Variants in NUP210L observed in about 807,000 individuals in gnomAD.
The protein encoded by NUP210L is nucleoporin 210 like, also known as nuclear pore membrane glycoprotein 210-like.
A neutral mutation model predicts 208.5 loss-of-function variants in NUP210L; 74 were observed. The ratio of observed to expected loss-of-function variants is 0.35; its 90% confidence interval spans 0.29 to 0.43. The LOEUF (loss-of-function observed/expected upper bound fraction) is 0.43. Ranked by LOEUF, NUP210L falls within the 20% of genes least tolerant of loss-of-function variation. The pLI is 1.00. For synonymous variants in NUP210L, 780 were observed against 816.9 expected, an observed-to-expected ratio of 0.95 and a Z score of 0.77; for missense variants, 1,843 against 2,289.4, an observed-to-expected ratio of 0.81 and a Z score of 3.98.
chr1:154,004,659 T>G (rs1207470301), intron 35 of NUP210L, among the ~76,000 whole-genome samples: 1 of 151,664 alleles, frequency 6.6e-6, no homozygotes, highest in Non-Finnish European at 1.5e-5. Context: ...CCTCTTTTCT[T>G]TCTTTGAGAC....
chr1:154,125,893 A>G lies in NUP210L; in HGVS notation c.1326+430T>C, dbSNP rs865969156. Among the ~76,000 whole-genome samples, 215 of 145,044 alleles carry G rather than the reference A, an allele frequency of 1.5e-3. 1 individual carries two copies. Among genetic ancestry groups the G allele is most frequent in the Middle Eastern group, 0.012 (3 of 242 alleles). On this transcript the variant is annotated intron_variant, in intron 10 of 39. Coordinates refer to ENST00000368559, the Ensembl canonical transcript of NUP210L. Reference sequence around the variant, plus strand: ...CGCCATTCTCCTGCCTCAGCCTCCCAAGTAGCTGGAACTACAGGCGCCCGC... The same window carrying G: ...CGCCATTCTCCTGCCTCAGCCTCCCGAGTAGCTGGAACTACAGGCGCCCGC...
At chr1:154,036,798 C>G (rs1394970805) in intron 27 of NUP210L, among the ~76,000 whole-genome samples, 3 of 151,552 alleles carry the variant, frequency 2.0e-5, no homozygotes, top group African/African-American at 2.4e-5. Context: ...CTCACTCTGT[C>G]ACCTACGCTA....
chr1:154,077,012 T>A (rs1655070852), intron 16 of NUP210L, among the ~76,000 whole-genome samples: 1 of 152,132 alleles, frequency 6.6e-6, no homozygotes, highest in African/African-American at 2.4e-5. Flanking sequence ...GGATCTTCCA[T>A]GGGATTAATA....
At chr1:154,027,080 C>CAAAAAAA (rs59626984) in intron 29 of NUP210L, among the ~76,000 whole-genome samples, 517 of 101,716 alleles carry the variant, frequency 5.1e-3, no homozygotes, top group East Asian at 0.01. Context: ...GAGACTGTCT[C>CAAAAAAA]AAAAAAAAAA....
At chr1:154,151,045 AAGTCAGACGAAGTTAAGCTGAG>A (rs1659355981) in intron 2 of NUP210L, among the ~76,000 whole-genome samples, 1 of 152,174 alleles carries the variant, frequency 6.6e-6, no homozygotes, top group South Asian at 2.1e-4. Flanking sequence ...AATTGGTCCC[AAGTCAGACGAAGTTAAGCTGAG>A]AGCAAGATTT....
intron 7 of NUP210L, 27 bp downstream of exon 7, chr1:154,135,787 G>T: frequency 6.3e-7 from 1 of 1,595,918 alleles, no homozygotes; most frequent in Non-Finnish European, 8.6e-7. Flanking sequence ...GTGTAGACTG[G>T]CAGCTAAAAC....
chr1:154,054,529 C>T, intron 24 of NUP210L, 122 bp from the exon 25 acceptor site: 1 of 907,784 alleles, frequency 1.1e-6, no homozygotes, highest in Non-Finnish European at 1.7e-6. Flanking sequence ...ACAACATATC[C>T]CATATCAACT....
intron 33 of NUP210L, among the ~76,000 whole-genome samples, chr1:154,015,993 G>C (rs1252328743): frequency 6.6e-6 from 1 of 151,772 alleles, no homozygotes; most frequent in African/African-American, 2.4e-5. Context: ...AGTGGCTCAT[G>C]CCTATAATCC....
intron 10 of NUP210L, among the ~76,000 whole-genome samples, 161 bp from the exon 11 acceptor site, chr1:154,118,969 G>C (rs1266093209): frequency 6.6e-6 from 1 of 151,958 alleles, no homozygotes; most frequent in Non-Finnish European, 1.5e-5. Flanking sequence ...CATTAAATAA[G>C]CATAGTTGCT....
intron 35 of NUP210L, among the ~76,000 whole-genome samples, chr1:154,003,628 G>C (rs529787029): frequency 2.0e-5 from 3 of 152,178 alleles, no homozygotes; most frequent in South Asian, 2.1e-4. Context: ...TCAGAGCTAG[G>C]GCTACAGGTG....
At chr1:154,139,383 GT>G (rs1289913653) in intron 5 of NUP210L, among the ~76,000 whole-genome samples, 1 of 152,146 alleles carries the variant, frequency 6.6e-6, no homozygotes, top group Non-Finnish European at 1.5e-5. Flanking sequence ...GCAATAAAAT[GT>G]TTAAGATAAT....
At chr1:154,031,662 C>A (rs943614429) in intron 27 of NUP210L, among the ~76,000 whole-genome samples, 10 of 151,620 alleles carry the variant, frequency 6.6e-5, no homozygotes, top group African/African-American at 2.4e-4. Context: ...GCTTATTTCA[C>A]TTAACATAGT....
At chr1:153,997,333 G>GTC (rs1247337801) in intron 37 of NUP210L, among the ~76,000 whole-genome samples, 1 of 151,168 alleles carries the variant, frequency 6.6e-6, no homozygotes. Flanking sequence ...TAGAGATGAG[G>GTC]TCTCTCTATG....
chr1:154,048,315 A>G (rs2147975084), intron 25 of NUP210L, among the ~76,000 whole-genome samples: 1 of 152,310 alleles, frequency 6.6e-6, no homozygotes, highest in South Asian at 2.1e-4. Context: ...GCAGGAATCC[A>G]GCAAGCTAGA....
chr1:154,017,960 G>A (rs1651352415), intron 33 of NUP210L, among the ~76,000 whole-genome samples: 1 of 151,200 alleles, frequency 6.6e-6, no homozygotes, highest in Non-Finnish European at 1.5e-5. Context: ...TAGTACTTAG[G>A]TCTTTTTTCT....
chr1:154,100,730 C>T (rs918524622), intron 13 of NUP210L, among the ~76,000 whole-genome samples: 10 of 150,960 alleles, frequency 6.6e-5, no homozygotes, highest in African/African-American at 1.2e-4. Context: ...GTATTGGCCA[C>T]GCTGGTCTCG....
chr1:154,049,403 G>A (rs1401007307), intron 25 of NUP210L, among the ~76,000 whole-genome samples: 2 of 152,114 alleles, frequency 1.3e-5, no homozygotes, highest in Non-Finnish European at 2.9e-5. Context: ...AATACTTGCA[G>A]GGTTTGAAGG....
intron 35 of NUP210L, among the ~76,000 whole-genome samples, chr1:154,004,563 CCAGG>C (rs1650401539): frequency 6.6e-6 from 1 of 151,968 alleles, no homozygotes; most frequent in Non-Finnish European, 1.5e-5. Context: ...ACCATGTTGG[CCAGG>C]CTGGTCTTGA....
chr1:154,035,552 C>T (rs1156862666), intron 27 of NUP210L, among the ~76,000 whole-genome samples: 2 of 151,746 alleles, frequency 1.3e-5, no homozygotes, highest in African/African-American at 4.8e-5. Flanking sequence ...CACTTGCCAC[C>T]ACGCCCAGCT....
Sources: allele counts gnomAD v4.1 joint callset (sites outside exome capture counted in the v4.1 genomes callset), GRCh38; gene constraint gnomAD v4.1.1; transcripts MANE v1.5; gene names NCBI Gene and HGNC (gene_info 2026-07-23, HGNC 2026-07-21).